TCF20: variants seen among roughly 807,000 people sequenced by gnomAD.
TCF20 encodes the protein SPRE-binding protein.
A neutral mutation model predicts 148.6 loss-of-function variants in TCF20; 3 were observed. The observed-to-expected ratio is 0.02, with a 90% CI of 0.01 to 0.05. The LOEUF is 0.05. Ranked by LOEUF, TCF20 falls within the 10% of genes least tolerant of loss-of-function variation. The probability of loss-of-function intolerance (pLI) is 1.00; values close to 1 mark genes in which losing one functional copy is unlikely to be tolerated. For missense variants in TCF20, 2,350 were observed against 2,429.3 expected (o/e 0.97, Z 0.69); for synonymous variants, 1,049 against 909.5 (o/e 1.15, Z -2.76).
chr22:42,341,885 GAGA>G (rs1478850839), intron 1 of TCF20, among the ~76,000 whole-genome samples: 6 of 152,322 alleles, frequency 3.9e-5, no homozygotes, highest in Admixed American at 1.3e-4. Context: ...TCACCCACCT[GAGA>G]AGGAGATGGG....
At chr22:42,272,201 C>A (rs1385626673), upstream of TCF20, among the ~76,000 whole-genome samples, 3 of 152,224 alleles carry the variant, frequency 2.0e-5, no homozygotes, top group Admixed American at 2.0e-4. Context: ...CATTGTTCTT[C>A]TGAGTTTCAT....
chr22:42,161,851 AT>A (rs1483869148), intron 5 of TCF20, among the ~76,000 whole-genome samples: 2 of 152,020 alleles, frequency 1.3e-5, no homozygotes, highest in Non-Finnish European at 2.9e-5. Flanking sequence ...GAGACAAGAC[AT>A]CGCTCTGTCG....
chr22:42,310,087 G>A (rs150049704), intron 1 of TCF20, among the ~76,000 whole-genome samples: 281 of 152,350 alleles, frequency 1.8e-3, no homozygotes, highest in African/African-American at 6.0e-3. Context: ...TTTGAAGGAT[G>A]TGTAGGAGTT....
chr22:42,272,701 G>A (rs1926668895), upstream of TCF20, among the ~76,000 whole-genome samples: 1 of 152,170 alleles, frequency 6.6e-6, no homozygotes, highest in Non-Finnish European at 1.5e-5. Flanking sequence ...AGGCCAGCTG[G>A]GCCTCTTTAT....
intron 1 of TCF20, among the ~76,000 whole-genome samples, chr22:42,230,060 T>TTA (rs1923260033): frequency 6.6e-6 from 1 of 152,200 alleles, no homozygotes; most frequent in Admixed American, 6.5e-5. Flanking sequence ...ACCCCCTATT[T>TTA]TAAAACCTTC....
chr22:42,237,363 A>G (rs1437896008), intron 1 of TCF20, among the ~76,000 whole-genome samples: 1 of 152,186 alleles, frequency 6.6e-6, no homozygotes, highest in Non-Finnish European at 1.5e-5. Flanking sequence ...AGATTACAGC[A>G]ATCCAGTCAC....
chr22:42,314,246 G>A (rs554905153), intron 1 of TCF20, among the ~76,000 whole-genome samples: 24 of 152,358 alleles, frequency 1.6e-4, no homozygotes, highest in African/African-American at 4.3e-4. Context: ...GCCAGAATCC[G>A]TCTCTTCCGG....
At chr22:42,291,717 C>T (rs890974869) in intron 1 of TCF20, among the ~76,000 whole-genome samples, 4 of 152,056 alleles carry the variant, frequency 2.6e-5, no homozygotes, top group African/African-American at 2.4e-5. Flanking sequence ...CCTGACCCGG[C>T]TGCCTGGCCT....
chr22:42,319,950 G>A (rs1927702085), intron 1 of TCF20, among the ~76,000 whole-genome samples: 1 of 151,734 alleles, frequency 6.6e-6, no homozygotes, highest in Non-Finnish European at 1.5e-5. Flanking sequence ...TCCCAGCCCT[G>A]AGCCCCCAGA....
intron 1 of TCF20, among the ~76,000 whole-genome samples, chr22:42,326,091 TGAAGGAGCCAACTCCCCCCAGGAGAG>T (rs980368289): frequency 2.6e-5 from 4 of 151,802 alleles, no homozygotes; most frequent in Admixed American, 6.6e-5. Context: ...GTCCCTTTGG[TGAAGGAGCCAACTCCCCCCAGGAGAG>T]GAAGGAGCCA....
At chr22:42,258,842 C>T (rs1381813523) in intron 1 of TCF20, among the ~76,000 whole-genome samples, 1 of 152,148 alleles carries the variant, frequency 6.6e-6, no homozygotes, top group African/African-American at 2.4e-5. Context: ...GGATGTAACT[C>T]CATAAGAAGT....
chr22:42,314,292 CT>C (rs1422511744), intron 1 of TCF20, among the ~76,000 whole-genome samples: 1 of 152,270 alleles, frequency 6.6e-6, no homozygotes, highest in Non-Finnish European at 1.5e-5. Context: ...ATGCGAATCG[CT>C]TCTGTCATCA....
chr22:42,319,324 C>A (rs1215311339), intron 1 of TCF20, among the ~76,000 whole-genome samples: 1 of 152,160 alleles, frequency 6.6e-6, no homozygotes, highest in East Asian at 1.9e-4. Context: ...GGGGGCCAGG[C>A]CACCTGCTGC....
rs370023764 is a variant in TCF20, at chr22:42,211,552, T to A, written c.3754A>T (p.Ile1252Phe). The A allele has an allele frequency of 3.7e-6, 6 of 1,614,072 alleles. No homozygotes were observed. In the African/African-American group the frequency reaches 8.0e-5, roughly 22 times the overall value. The change falls in exon 2 of 6, where the codon ATC (isoleucine) becomes TTC (phenylalanine). Residue 1252 changes from isoleucine (I) to phenylalanine (F), a missense_variant. By Grantham distance (21) the Ile-to-Phe change is conservative. Around this residue, in one of 7 missense-constraint regions of TCF20, gnomAD observed 1,641 missense variants for 1,662.6 expected, o/e 0.99. Coordinates refer to ENST00000677622, the MANE Select transcript of TCF20 (RefSeq NM_001378418.1). The part of the protein sequence containing the change: ...QEDHSSQNPL[I>F]MRRRVRSFIS... ...AAAGAACGAACACGCCTCCTCATGA[T>A]TAAGGGGTTTTGAGAAGAATGATCC...
intron 3 of TCF20, 91 bp downstream of exon 3, chr22:42,179,517 GA>G: frequency 1.7e-6 from 1 of 580,570 alleles, no homozygotes; most frequent in Non-Finnish European, 2.7e-6. Flanking sequence ...AAAAAGAAAA[GA>G]AAAGAAAAAA....
At position 42,338,700 on chromosome 22, in the gene TCF20, C is replaced by T. The variant is rs181144525; in HGVS notation, c.-37+4779G>A. On this transcript the variant is annotated intron_variant, in intron 1 of 1. Transcript: ENST00000515426. This position sits in a 1 kb window ranked among gnomAD's most constrained non-coding sequence, Gnocchi z 4.0. ...GCTGCCAGGCGGGACGGGCTGGGCACGGCACGAGGCGGCAACAATAGGCAC... is the reference window on the plus strand; with the variant it reads ...GCTGCCAGGCGGGACGGGCTGGGCATGGCACGAGGCGGCAACAATAGGCAC... Among the ~76,000 whole-genome samples the T allele has an allele frequency of 1.7e-4, 26 of 152,310 alleles. No homozygotes were observed. Among genetic ancestry groups the T allele is most frequent in the East Asian group, 3.9e-4 (2 of 5,188 alleles).
intron 1 of TCF20, among the ~76,000 whole-genome samples, chr22:42,301,747 T>C (rs1007405972): frequency 2.0e-5 from 3 of 152,212 alleles, no homozygotes; most frequent in African/African-American, 7.2e-5. Flanking sequence ...CCCTGAAGTC[T>C]GTCGTGGGGA....
At chr22:42,253,903 CCT>C (rs1279348537) in intron 1 of TCF20, among the ~76,000 whole-genome samples, 1 of 151,904 alleles carries the variant, frequency 6.6e-6, no homozygotes, top group Non-Finnish European at 1.5e-5. Flanking sequence ...ATGGAGAAAC[CCT>C]GTCTCTACTA....
chr22:42,179,264 T>C (rs1408686341), intron 3 of TCF20, among the ~76,000 whole-genome samples: 1 of 151,640 alleles, frequency 6.6e-6, no homozygotes, highest in Non-Finnish European at 1.5e-5. Context: ...AATGCTTGCA[T>C]GTGAATGTTC....
Sources: gnomAD v4.1 joint callset for allele counts (sites outside exome capture counted in the v4.1 genomes callset) on GRCh38, gnomAD v4.1.1 for gene constraint, gnomAD v4.1.1 regional missense constraint, Gnocchi (gnomAD v3.1) non-coding constraint, MANE v1.5 for transcripts, NCBI Gene and HGNC (gene_info 2026-07-23, HGNC 2026-07-21) for gene names.